MMP26: variants seen among roughly 807,000 people sequenced by gnomAD.
MMP26 encodes the protein matrix metallopeptidase 26, also known as matrix metalloproteinase-26.
MMP26 carries 33 observed loss-of-function variants against 31.0 expected under a neutral mutation model. The ratio of observed to expected loss-of-function variants is 1.06; its 90% CI spans 0.81 to 1.42. The LOEUF is 1.42. Among genes scored for constraint, MMP26 ranks in the 40% most tolerant of loss-of-function variants. The probability of loss-of-function intolerance (pLI) is 0.00; values close to 1 mark genes in which losing one functional copy is unlikely to be tolerated. For synonymous variants in MMP26, 122 were observed against 114.9 expected, an observed-to-expected ratio of 1.06 and a Z score of -0.40; for missense variants, 347 against 316.1, an observed-to-expected ratio of 1.10 and a Z score of -0.74.
At chr11:4,759,295 A>AAATCTGGC (rs1356977607) in intron 1 of MMP26, among the ~76,000 whole-genome samples, 1 of 152,164 alleles carries the variant, frequency 6.6e-6, no homozygotes, top group African/African-American at 2.4e-5. Flanking sequence ...AGGCTGCGGG[A>AAATCTGGC]AATCTGGCAC....
intron 1 of MMP26, among the ~76,000 whole-genome samples, chr11:4,707,630 T>C (rs746745493): frequency 6.6e-6 from 1 of 152,218 alleles, no homozygotes; most frequent in Non-Finnish European, 1.5e-5. Flanking sequence ...CAAAGATAAA[T>C]ATCAGATTAT....
In MMP26 at chr11:4,859,046, C is replaced by T. The variant is rs992962287; in HGVS notation, c.-145+91705C>T. 6.6e-5 allele frequency among the ~76,000 whole-genome samples: 10 copies of T among 152,296 alleles called. No homozygotes were observed. The East Asian group carries it at 1.4e-3, about 21-fold the overall frequency. ...GTAGAAAGCTGAAACTGGATCCCCTCCTTACACCTTATGCAAAAATTAATT... is the reference window on the plus strand; with the variant it reads ...GTAGAAAGCTGAAACTGGATCCCCTTCTTACACCTTATGCAAAAATTAATT... On this transcript the variant is annotated intron_variant, in intron 2 of 7. Coordinates refer to ENST00000380390, the MANE Select transcript of MMP26 (RefSeq NM_021801.5).
At chr11:4,812,533 A>G (rs188610578) in intron 2 of MMP26, among the ~76,000 whole-genome samples, 2 of 152,310 alleles carry the variant, frequency 1.3e-5, no homozygotes, top group East Asian at 3.9e-4. Context: ...AGGGGAAAGA[A>G]AAAAAGAGGT....
chr11:4,924,357 C>A, intron 2 of MMP26: 1 of 1,567,628 alleles, frequency 6.4e-7, no homozygotes, highest in Non-Finnish European at 8.6e-7. Context: ...CAATCTTGGA[C>A]TCAGAAACCT....
intron 2 of MMP26, among the ~76,000 whole-genome samples, chr11:4,776,804 C>T (rs536224086): frequency 6.6e-6 from 1 of 152,218 alleles, no homozygotes; most frequent in East Asian, 1.9e-4. Flanking sequence ...ATGTAAGTTT[C>T]CCGAGTCTTC....
At chr11:4,767,158 G>A (rs1458905705) in intron 1 of MMP26, 112 bp from the exon 2 acceptor site, 1 of 152,116 alleles carries the variant, frequency 6.6e-6, no homozygotes, top group East Asian at 1.9e-4. Context: ...AGAAAAAAGG[G>A]TTTGTGTTTC....
chr11:4,760,544 A>C (rs1372350554), intron 1 of MMP26, among the ~76,000 whole-genome samples: 1 of 152,230 alleles, frequency 6.6e-6, no homozygotes, highest in Non-Finnish European at 1.5e-5. Flanking sequence ...AAAAATTAAC[A>C]TTGAGCCAGT....
intron 2 of MMP26, among the ~76,000 whole-genome samples, chr11:4,881,500 A>G (rs946808197): frequency 3.3e-5 from 5 of 152,168 alleles, no homozygotes; most frequent in African/African-American, 1.2e-4. Context: ...TCATGAGAAC[A>G]TAGTTCTCTA....
At chr11:4,917,567 G>A (rs991762159) in intron 2 of MMP26, among the ~76,000 whole-genome samples, 10 of 152,258 alleles carry the variant, frequency 6.6e-5, no homozygotes, top group Non-Finnish European at 7.4e-5. Flanking sequence ...AGTTTGGGCC[G>A]TTAACTCACT....
At chr11:4,769,029 T>C in intron 2 of MMP26, 6 of 1,527,920 alleles carry the variant, frequency 3.9e-6, no homozygotes, top group Non-Finnish European at 5.3e-6. Flanking sequence ...TGTTTTGTTT[T>C]TACACTGTCG....
At chr11:4,835,537 A>G (rs150612094) in intron 2 of MMP26, among the ~76,000 whole-genome samples, 113 of 152,238 alleles carry the variant, frequency 7.4e-4, no homozygotes, top group Admixed American at 2.2e-3. Flanking sequence ...TTTTGACAGA[A>G]TTGGTATGGA....
chr11:4,860,481 C>G (rs1055761467), intron 2 of MMP26: 1 of 471,102 alleles, frequency 2.1e-6, no homozygotes. Context: ...GAAAGGCCAA[C>G]CATGGGTTCT....
intron 2 of MMP26, among the ~76,000 whole-genome samples, chr11:4,811,144 C>T (rs1448009423): frequency 6.6e-6 from 1 of 152,156 alleles, no homozygotes; most frequent in African/African-American, 2.4e-5. Context: ...GGAGATCAGG[C>T]TGACATTGTA....
chr11:4,880,227 G>A (rs2133535990), intron 2 of MMP26, among the ~76,000 whole-genome samples: 1 of 152,212 alleles, frequency 6.6e-6, no homozygotes, highest in Admixed American at 6.5e-5. Flanking sequence ...AGCTGGTTTA[G>A]TCCCTGCTCT....
rs542799710 is a variant in MMP26, at chr11:4,817,490, G to T, written c.-145+50149G>T. ...TAGTCCAAGTTGCTAGGGATGCTGAGGTGGAAGGATTGCTTGGGCCTGGGA... is the reference window on the plus strand; with the variant it reads ...TAGTCCAAGTTGCTAGGGATGCTGATGTGGAAGGATTGCTTGGGCCTGGGA... On this transcript the variant is annotated intron_variant, in intron 2 of 7. Transcript: ENST00000380390. Among the ~76,000 whole-genome samples the T allele has an allele frequency of 3.9e-5, 6 of 152,266 alleles. No homozygotes were observed. The East Asian group carries it at 9.7e-4, about 24-fold the overall frequency.
At chr11:4,741,633 C>A (rs1848313129) in intron 1 of MMP26, among the ~76,000 whole-genome samples, 1 of 117,638 alleles carries the variant, frequency 8.5e-6, no homozygotes, top group African/African-American at 3.4e-5. Flanking sequence ...GAACAACACA[C>A]ATGAGGCCTG....
chr11:4,716,622 A>T (rs1407500538), intron 1 of MMP26, among the ~76,000 whole-genome samples: 1 of 144,064 alleles, frequency 6.9e-6, no homozygotes, highest in Non-Finnish European at 1.5e-5. Flanking sequence ...AGCAAAGAAG[A>T]TAATTCCATA....
intron 2 of MMP26, among the ~76,000 whole-genome samples, chr11:4,891,020 AT>A (rs1850613181): frequency 1.4e-5 from 2 of 147,196 alleles, no homozygotes; most frequent in South Asian, 2.1e-4. Flanking sequence ...AATAATAATA[AT>A]AATAAAAGTA....
chr11:4,923,308 A>G lies in MMP26; in HGVS notation c.-144-64760A>G, dbSNP rs1564807804. The G allele has an allele frequency of 2.0e-6, 3 of 1,483,260 alleles. No individual in the cohort carries two copies. In the African/African-American group the frequency reaches 4.2e-5, roughly 21 times the overall value. The allele number at this position is 1,483,260 out of a possible 1,614,324, so 91.9% of individuals were successfully genotyped here. ...AGTCAACGGTTTATTATTTTGCCAC[A>G]GCACAGCTGAAAACAAACAGAAACC... On this transcript the variant is annotated intron_variant, in intron 2 of 7. Coordinates refer to ENST00000380390, the MANE Select transcript of MMP26 (RefSeq NM_021801.5).
Sources: allele counts gnomAD v4.1 joint callset (sites outside exome capture counted in the v4.1 genomes callset), GRCh38; gene constraint gnomAD v4.1.1; transcripts MANE v1.5; gene names NCBI Gene and HGNC (gene_info 2026-07-23, HGNC 2026-07-21).